The following TRMT44 variants were observed in gnomAD, a reference collection of about 807,000 sequenced individuals.
TRMT44 encodes probable tRNA (uracil-O(2)-)-methyltransferase.
In TRMT44, 78 loss-of-function variants were observed where a neutral mutation model predicts 77.3. That is an observed-to-expected ratio of 1.01 (90% CI 0.84 to 1.22). The LOEUF (loss-of-function observed/expected upper bound fraction) is 1.22. Ranked by LOEUF, TRMT44 falls within the 50% of genes most tolerant of loss-of-function variation. The pLI is 0.00. For synonymous variants in TRMT44, 391 were observed against 383.3 expected (o/e 1.02, Z -0.23); for missense variants, 1,090 against 964.4 (o/e 1.13, Z -1.73).
At chr4:8,497,851 G>T (rs9993845), downstream of TRMT44, among the ~76,000 whole-genome samples, 1 of 152,166 alleles carries the variant, frequency 6.6e-6, no homozygotes, top group East Asian at 1.9e-4. Flanking sequence ...TTCCCCTCAG[G>T]GTTCTGCCCT....
intron 10 of TRMT44, among the ~76,000 whole-genome samples, 183 bp from the exon 11 acceptor site, chr4:8,475,589 A>G (rs945170872): frequency 2.0e-5 from 3 of 152,118 alleles, no homozygotes; most frequent in Non-Finnish European, 2.9e-5. Flanking sequence ...GACACATCCC[A>G]TACCTCAGTC....
chr4:8,454,915 CT>C, intron 6 of TRMT44, 102 bp downstream of exon 6: 1 of 1,031,968 alleles, frequency 9.7e-7, no homozygotes, highest in South Asian at 1.3e-5. Flanking sequence ...AGCAGACATG[CT>C]GATAGTAAAC....
intron 6 of TRMT44, among the ~76,000 whole-genome samples, chr4:8,462,152 T>G (rs1024056333): frequency 2.0e-5 from 3 of 152,240 alleles, no homozygotes; most frequent in South Asian, 2.1e-4. Context: ...GGCTCACGCC[T>G]GTAATCCCAG....
downstream of TRMT44, chr4:8,478,861 C>T (rs563837701): frequency 1.3e-5 from 2 of 152,480 alleles, no homozygotes; most frequent in East Asian, 1.9e-4. Flanking sequence ...CCATCTGCTG[C>T]AGAGGAGGCC....
chr4:8,467,891 T>TG, intron 8 of TRMT44, 23 bp from the exon 9 acceptor site: 2 of 1,570,460 alleles, frequency 1.3e-6, no homozygotes, highest in Non-Finnish European at 1.7e-6. Context: ...CTAAAATACT[T>TG]GCTTTGCTTT....
chr4:8,469,786 C>T (rs951553835), intron 9 of TRMT44, among the ~76,000 whole-genome samples: 10 of 152,252 alleles, frequency 6.6e-5, no homozygotes, highest in Non-Finnish European at 1.2e-4. Flanking sequence ...GCCTCCCTCC[C>T]GCCCACAGGC....
At chr4:8,492,078 G>A (rs573978231) in intron 2 of TRMT44, among the ~76,000 whole-genome samples, 4 of 152,216 alleles carry the variant, frequency 2.6e-5, no homozygotes, top group African/African-American at 7.2e-5. Flanking sequence ...AACCCCTTGG[G>A]CAGATACAAA....
chr4:8,450,330 C>T (rs1216981966), intron 3 of TRMT44, among the ~76,000 whole-genome samples: 1 of 150,994 alleles, frequency 6.6e-6, no homozygotes, highest in Non-Finnish European at 1.5e-5. Context: ...TAGGGGTGCA[C>T]ACAACAAAAA....
At chr4:8,449,961 T>TTC in intron 3 of TRMT44, 73 bp downstream of exon 3, 1 of 791,770 alleles carries the variant, frequency 1.3e-6, no homozygotes. Flanking sequence ...TTTTTTTTTT[T>TTC]TTTTTTTTTT....
At chr4:8,454,867 G>A in intron 6 of TRMT44, 54 bp downstream of exon 6, 1 of 1,520,570 alleles carries the variant, frequency 6.6e-7, no homozygotes, top group Non-Finnish European at 9.1e-7. Flanking sequence ...GCTCCCAGTG[G>A]GAATTGCTGT....
intron 8 of TRMT44, among the ~76,000 whole-genome samples, chr4:8,466,269 G>A (rs377293463): frequency 5.9e-5 from 9 of 152,360 alleles, no homozygotes; most frequent in African/African-American, 2.2e-4. Flanking sequence ...GCAAGAAAGG[G>A]CCCAGCTGAT....
chr4:8,481,141 A>C (rs1727599059), downstream of TRMT44, among the ~76,000 whole-genome samples: 1 of 152,216 alleles, frequency 6.6e-6, no homozygotes, highest in African/African-American at 2.4e-5. Context: ...TCTTTATCTT[A>C]ACTTGAACAT....
downstream of TRMT44, among the ~76,000 whole-genome samples, chr4:8,498,068 A>G (rs1728201184): frequency 6.6e-6 from 1 of 152,212 alleles, no homozygotes; most frequent in Non-Finnish European, 1.5e-5. This position sits in a 1 kb window ranked among gnomAD's most constrained non-coding sequence, Gnocchi z 4.3. Context: ...ATCAGGACTC[A>G]GTGGAAGACG....
chr4:8,466,611 C>T (rs1315592517), intron 8 of TRMT44, among the ~76,000 whole-genome samples: 4 of 152,246 alleles, frequency 2.6e-5, no homozygotes, highest in African/African-American at 9.6e-5. Flanking sequence ...CTGTTTTTGG[C>T]AAGTCTTGGT....
At chr4:8,466,055 G>A (rs894769036) in intron 8 of TRMT44, among the ~76,000 whole-genome samples, 12 of 152,250 alleles carry the variant, frequency 7.9e-5, no homozygotes, top group African/African-American at 2.4e-4. Flanking sequence ...GTGGGACTGT[G>A]CCTCTGACCT....
In TRMT44 at chr4:8,475,779, T is replaced by G; in HGVS notation, c.2052T>G (p.Asn684Lys). The G allele has an allele frequency of 6.2e-7, 1 of 1,613,980 alleles. No individual in the cohort carries two copies. The highest frequency in any genetic ancestry group is 2.2e-5 in the East Asian group (1 of 44,880). Residue 684 changes from asparagine to lysine, a missense_variant, in exon 11 of 11, where the codon AAT becomes AAG. Coordinates refer to ENST00000389737, the MANE Select transcript of TRMT44 (RefSeq NM_152544.3). Reference sequence around the variant, plus strand: ...CTCTGTTCCAAACCACAGTTGTGAATGGGAGAGTTCACATCCGCGACTGGC... The same window carrying G: ...CTCTGTTCCAAACCACAGTTGTGAAGGGGAGAGTTCACATCCGCGACTGGC... ...RNSHQVFQVV[N>K]GRVHIRDWRE...
the TRMT44 span, among the ~76,000 whole-genome samples, chr4:8,515,386 C>G: frequency 2.0e-5 from 3 of 152,248 alleles, no homozygotes; most frequent in African/African-American, 7.2e-5. Flanking sequence ...CAGCGGTGAA[C>G]AGCTGTCCTG....
intron 6 of TRMT44, among the ~76,000 whole-genome samples, chr4:8,455,260 C>A (rs1328891831): frequency 1.3e-5 from 2 of 152,194 alleles, no homozygotes; most frequent in Admixed American, 6.5e-5. Context: ...GGTGGCTGTG[C>A]CAGGGCTGGG....
intron 10 of TRMT44, among the ~76,000 whole-genome samples, chr4:8,472,644 T>G (rs765270188): frequency 2.0e-4 from 31 of 152,200 alleles, no homozygotes; most frequent in Non-Finnish European, 4.0e-4. Context: ...TCAGCTGAAC[T>G]GGCCTCTCTA....
Sources: gnomAD v4.1 joint callset for allele counts (sites outside exome capture counted in the v4.1 genomes callset) on GRCh38, gnomAD v4.1.1 for gene constraint, Gnocchi (gnomAD v3.1) non-coding constraint, MANE v1.5 for transcripts, NCBI Gene and HGNC (gene_info 2026-07-23, HGNC 2026-07-21) for gene names.